Variants in ZNF133 observed in about 807,000 individuals in gnomAD.
ZNF133 encodes the protein zinc finger protein 133 (clone pHZ-13).
In ZNF133, 26 loss-of-function variants were observed where a neutral mutation model predicts 54.9. That is an observed-to-expected ratio of 0.47 (90% CI 0.35 to 0.66). ZNF133 has a LOEUF of 0.66. ZNF133 is among the 30% of genes least tolerant of loss of function. The pLI is 0.01. For missense variants in ZNF133, 653 were observed against 820.8 expected (o/e 0.80, Z 2.50); for synonymous variants, 298 against 320.3 (o/e 0.93, Z 0.74).
intron 6 of ZNF133, 103 bp from the exon 7 acceptor site, chr20:18,314,966 C>A: frequency 8.6e-7 from 1 of 1,166,460 alleles, no homozygotes; most frequent in Non-Finnish European, 1.2e-6. Context: ...GGTTGGATGG[C>A]ACTTAAGGCC....
intron 1 of ZNF133, among the ~76,000 whole-genome samples, chr20:18,289,454 G>A (rs540436978): frequency 1.4e-4 from 21 of 152,260 alleles, no homozygotes; most frequent in Admixed American, 1.3e-3. Context: ...AAAACCTTAT[G>A]ACCAATCTTG....
chr20:18,292,674 T>C (rs1461362133), intron 1 of ZNF133, among the ~76,000 whole-genome samples: 1 of 152,246 alleles, frequency 6.6e-6, no homozygotes, highest in Non-Finnish European at 1.5e-5. Flanking sequence ...ACAGTGTGTA[T>C]TTTATTTATT....
At position 18,316,766 on chromosome 20, in the gene ZNF133, G is replaced by A. The variant is rs765364833; in HGVS notation, c.1915G>A (p.Asp639Asn). 1.1e-5 allele frequency: 18 copies of A among 1,613,962 alleles called. No homozygotes were observed. Among genetic ancestry groups the A allele is most frequent in the African/African-American group, 5.3e-5 (4 of 74,938 alleles). ...SVHHRLPVQP[D>N]PEPCAGQPSD... ...CCACCACAGACTGCCAGTGCAGCCCGACCCTGAGCCGTGTGCAGGGCAACC... is the reference window on the plus strand; with the variant it reads ...CCACCACAGACTGCCAGTGCAGCCCAACCCTGAGCCGTGTGCAGGGCAACC... The change falls in exon 7 of 7, where the codon GAC becomes AAC. Residue 639 changes from aspartate to asparagine, a missense_variant. Coordinates refer to ENST00000425686, the MANE Select transcript of ZNF133 (RefSeq NM_001352452.2).
chr20:18,314,864 G>C (rs1164008937), intron 6 of ZNF133: 4 of 500,502 alleles, frequency 8.0e-6, no homozygotes, highest in African/African-American at 5.8e-5. Flanking sequence ...CTTATATGTA[G>C]AGCAGGTCTT....
chr20:18,300,535 G>T (rs1486526768), intron 3 of ZNF133, among the ~76,000 whole-genome samples: 4 of 152,116 alleles, frequency 2.6e-5, no homozygotes, highest in Non-Finnish European at 5.9e-5. Context: ...ATTTGGCATA[G>T]TGGATTTAAA....
intron 1 of ZNF133, among the ~76,000 whole-genome samples, chr20:18,289,530 G>A (rs938417870): frequency 4.6e-5 from 7 of 152,158 alleles, no homozygotes; most frequent in Non-Finnish European, 1.0e-4. Context: ...CCCTTACTGT[G>A]TAAGAGCACG....
chr20:18,294,652 C>A (rs1871585340), intron 1 of ZNF133, among the ~76,000 whole-genome samples: 1 of 152,006 alleles, frequency 6.6e-6, no homozygotes, highest in African/African-American at 2.4e-5. Context: ...ATTCTATATT[C>A]TTGAGTTTTT....
chr20:18,298,261 G>A (rs2042636439), intron 2 of ZNF133, 28 bp from the exon 3 acceptor site: 3 of 1,406,280 alleles, frequency 2.1e-6, no homozygotes, highest in Non-Finnish European at 1.8e-6. Context: ...TCTACAGTAT[G>A]AGATAGAGTC....
At position 18,315,824 on chromosome 20, in the gene ZNF133, C is replaced by T; in HGVS notation, c.973C>T (p.Pro325Ser). The part of the protein sequence containing the change: ...IHQRTHSGEK[P>S]YVCRECGKGF... ...CCAGAGGACACACTCAGGGGAAAAG[C>T]CTTACGTGTGCCGGGAATGTGGCAA... is the stretch of plus-strand genomic sequence containing the variant. Residue 325 changes from proline to serine, a missense_variant, in exon 7 of 7, where the codon CCT becomes TCT. By Grantham distance (74) the Pro-to-Ser change is moderately conservative (BLOSUM62 -1). Around this residue, in one of 4 missense-constraint regions of ZNF133, gnomAD observed 292 missense variants for 431.6 expected, o/e 0.68. Transcript: ENST00000425686. 1 of 1,612,490 alleles carries T rather than the reference C, an allele frequency of 6.2e-7. No homozygotes were observed. The highest frequency in any genetic ancestry group is 8.5e-7 in the Non-Finnish European group (1 of 1,178,860).
intron 6 of ZNF133, chr20:18,306,630 G>C (rs1378041508): frequency 9.0e-7 from 1 of 1,109,218 alleles, no homozygotes; most frequent in Non-Finnish European, 1.2e-6. Flanking sequence ...CCTCCCAGTG[G>C]GTTTCTCCTC....
At position 18,316,393 on chromosome 20, in the gene ZNF133, G is replaced by A. The variant is rs774688403; in HGVS notation, c.1542G>A (p.Arg514=). The A allele has an allele frequency of 2.5e-6, 4 of 1,613,966 alleles. No individual in the cohort carries two copies. Among genetic ancestry groups the A allele is most frequent in the Non-Finnish European group, 3.4e-6 (4 of 1,179,968 alleles). The part of the protein sequence containing the change: ...SQKSNLVAHQ[R]THSGERPYVC... ...AGTCAAACCTTGTTGCACACCAGAG[G>A]ACGCACTCAGGGGAGAGGCCGTATG... Residue 514 remains arginine, a synonymous_variant, in exon 7 of 7, where the codon AGG becomes AGA. Coordinates refer to ENST00000425686, the MANE Select transcript of ZNF133 (RefSeq NM_001352452.2).
intron 1 of ZNF133, among the ~76,000 whole-genome samples, chr20:18,290,723 T>C (rs2040772374): frequency 6.6e-6 from 1 of 152,132 alleles, no homozygotes; most frequent in Non-Finnish European, 1.5e-5. Context: ...TCATTTCTCC[T>C]CCTATTTCTT....
intron 6 of ZNF133, among the ~76,000 whole-genome samples, chr20:18,309,088 A>G (rs890465534): frequency 3.3e-5 from 5 of 152,162 alleles, no homozygotes; most frequent in Admixed American, 1.3e-4. Context: ...CCCTTTCTCA[A>G]TGCTCACACA....
Position 18,297,928 on chromosome 20 carries a change from A to C in ZNF133, c.-431-57A>C, listed in dbSNP as rs2042569171. ...GGGGTTAAAGAGCAGGCCCTGCTTC[A>C]CTCATGGGGAGAGCATTTCTACCTG... On this transcript the variant is annotated intron_variant, in intron 1 of 6. Transcript: ENST00000425686. 2.6e-6 allele frequency: 3 copies of C among 1,169,440 alleles called. No individual in the cohort carries two copies. The African/African-American group carries it at 4.6e-5, about 18-fold the overall frequency. 72.4% of individuals were successfully genotyped at this position (1,169,440 alleles called of 1,614,324 possible). A position where few individuals can be genotyped will look rare whatever the true frequency, so the allele number is the denominator to read the frequency against.
rs1429610859 is a variant in ZNF133 at position 18,305,903 on chromosome 20, T to G, written c.121+96T>G. The stretch of plus-strand genomic sequence containing the variant: ...CTTGCTTTGTTACTTGACCTTTGGG[T>G]TGGACCAAAAAGCAACTACATTTTA... On this transcript the variant is annotated intron_variant, in intron 5 of 6. Transcript: ENST00000425686. This position sits in a 1 kb window ranked among gnomAD's most constrained non-coding sequence, Gnocchi z 4.7. 1.3e-6 allele frequency: 2 copies of G among 1,490,266 alleles called. No homozygotes were observed. The highest frequency in any genetic ancestry group is 1.8e-6 in the Non-Finnish European group (2 of 1,110,892). 92.3% of individuals were successfully genotyped at this position (1,490,266 alleles called of 1,614,324 possible).
At chr20:18,300,451 A>C (rs1445205308) in intron 3 of ZNF133, among the ~76,000 whole-genome samples, 2 of 152,200 alleles carry the variant, frequency 1.3e-5, no homozygotes, top group Admixed American at 1.3e-4. Flanking sequence ...TAGAAAACAA[A>C]AAGCAAAATA....
At chr20:18,309,673 G>A (rs978022921) in intron 6 of ZNF133, among the ~76,000 whole-genome samples, 1 of 152,210 alleles carries the variant, frequency 6.6e-6, no homozygotes, top group East Asian at 1.9e-4. Context: ...GGTGTGGAGA[G>A]GATGTGAGGC....
intron 6 of ZNF133, chr20:18,306,624 C>A: frequency 1.9e-6 from 2 of 1,065,370 alleles, no homozygotes; most frequent in Non-Finnish European, 2.6e-6. Context: ...TTTTTTCCTC[C>A]CAGTGGGTTT....
At chr20:18,303,118 C>T (rs144263928) in intron 3 of ZNF133, among the ~76,000 whole-genome samples, 1,556 of 151,332 alleles carry the variant, frequency 0.01, 25 homozygotes, top group African/African-American at 0.035. Flanking sequence ...ATGATCTTGG[C>T]TCACTGCAAC....
Sources: allele counts gnomAD v4.1 joint callset (sites outside exome capture counted in the v4.1 genomes callset), GRCh38; gene constraint gnomAD v4.1.1; regional missense constraint gnomAD v4.1.1; non-coding constraint Gnocchi (gnomAD v3.1); transcripts MANE v1.5; gene names NCBI Gene and HGNC (gene_info 2026-07-23, HGNC 2026-07-21).